Variants in WWOX observed in about 807,000 individuals in gnomAD.
WWOX encodes the protein WW domain-containing oxidoreductase.
WWOX carries 69 observed loss-of-function variants against 46.2 expected under a neutral mutation model. The observed-to-expected ratio is 1.49, with a 90% confidence interval of 1.23 to 1.82. WWOX has a LOEUF of 1.82. Ranked by LOEUF, WWOX falls within the 40% of genes most tolerant of loss-of-function variation. The pLI, the probability that WWOX is intolerant of heterozygous loss-of-function variation, is 0.00. For synonymous variants in WWOX, 359 were observed against 202.6 expected (o/e 1.77, Z -6.56); for missense variants, 919 against 542.6 (o/e 1.69, Z -6.89).
At chr16:78,127,801 T>C (rs1038436688) in intron 4 of WWOX, among the ~76,000 whole-genome samples, 2 of 152,280 alleles carry the variant, frequency 1.3e-5, no homozygotes, top group Middle Eastern at 3.4e-3. Flanking sequence ...TTGAATATAG[T>C]TTTATTGCCA....
At chr16:78,653,300 A>G (rs905770784) in intron 8 of WWOX, among the ~76,000 whole-genome samples, 1 of 152,212 alleles carries the variant, frequency 6.6e-6, no homozygotes, top group African/African-American at 2.4e-5. Context: ...TATAATTTGG[A>G]CACTATTTTA....
chr16:78,745,111 C>T (rs1054455287), intron 8 of WWOX, among the ~76,000 whole-genome samples: 6 of 152,112 alleles, frequency 3.9e-5, no homozygotes, highest in Non-Finnish European at 8.8e-5. Context: ...ACTATAGGAG[C>T]CAAGACTAGT....
chr16:78,525,323 C>T (rs1287454250), intron 8 of WWOX: 1 of 151,764 alleles, frequency 6.6e-6, no homozygotes, highest in Non-Finnish European at 1.5e-5. Context: ...GTAGCTGGGA[C>T]TGCAGGCGCC....
At chr16:78,796,527 G>C (rs543821508) in intron 8 of WWOX, among the ~76,000 whole-genome samples, 8 of 152,380 alleles carry the variant, frequency 5.3e-5, no homozygotes, top group Non-Finnish European at 1.2e-4. Context: ...AATGTTTTCA[G>C]TGAACACATT....
chr16:79,107,132 A>T (rs891304461), intron 8 of WWOX, among the ~76,000 whole-genome samples: 1 of 152,132 alleles, frequency 6.6e-6, no homozygotes, highest in African/African-American at 2.4e-5. Context: ...GTAGAGGCAG[A>T]ATCTTACTAT....
chr16:78,493,275 G>A (rs1757241587), intron 8 of WWOX, among the ~76,000 whole-genome samples: 1 of 152,178 alleles, frequency 6.6e-6, no homozygotes, highest in African/African-American at 2.4e-5. Flanking sequence ...AATGTCCTAT[G>A]TTAAGAATCT....
intron 8 of WWOX, among the ~76,000 whole-genome samples, chr16:79,044,627 C>G (rs1362092841): frequency 1.3e-5 from 2 of 152,202 alleles, no homozygotes; most frequent in Non-Finnish European, 2.9e-5. Context: ...GCCTGTGGAA[C>G]TATGAGCCAA....
intron 8 of WWOX, among the ~76,000 whole-genome samples, chr16:79,161,212 A>G (rs1052936192): frequency 3.3e-5 from 5 of 152,046 alleles, no homozygotes; most frequent in African/African-American, 7.3e-5. Flanking sequence ...ATGACATGAC[A>G]TTTGAGTGCA....
chr16:79,182,827 G>C (rs543553845), intron 8 of WWOX, among the ~76,000 whole-genome samples: 12 of 152,340 alleles, frequency 7.9e-5, no homozygotes, highest in African/African-American at 2.6e-4. Flanking sequence ...GTGTGTTACA[G>C]AAATATATGT....
At chr16:79,002,695 A>C (rs1195150114) in intron 8 of WWOX, among the ~76,000 whole-genome samples, 1 of 152,166 alleles carries the variant, frequency 6.6e-6, no homozygotes, top group African/African-American at 2.4e-5. Context: ...GGACAGAGGG[A>C]CTGTGCCTAT....
chr16:78,167,611 C>G (rs1267303930), intron 5 of WWOX: 1 of 152,140 alleles, frequency 6.6e-6, no homozygotes, highest in Non-Finnish European at 1.5e-5. Context: ...TTCATCATCT[C>G]TCATCTTTTC....
chr16:78,563,296 A>T (rs2044482535), intron 8 of WWOX, among the ~76,000 whole-genome samples: 1 of 152,158 alleles, frequency 6.6e-6, no homozygotes, highest in African/African-American at 2.4e-5. Context: ...CCCTTCTGCA[A>T]CTTTCCTTTT....
chr16:79,087,008 G>A (rs960469960), intron 8 of WWOX, among the ~76,000 whole-genome samples: 2 of 152,210 alleles, frequency 1.3e-5, no homozygotes, highest in Non-Finnish European at 2.9e-5. Flanking sequence ...GCAGCCTAGG[G>A]AATGGAGATA....
At chr16:79,158,773 C>T (rs954016112) in intron 8 of WWOX, among the ~76,000 whole-genome samples, 7 of 152,222 alleles carry the variant, frequency 4.6e-5, no homozygotes, top group African/African-American at 1.7e-4. Context: ...CCACCTCCTC[C>T]AGTTCTCAGC....
At chr16:78,307,675 T>C (rs1185832350) in intron 5 of WWOX, among the ~76,000 whole-genome samples, 1 of 152,198 alleles carries the variant, frequency 6.6e-6, no homozygotes, top group African/African-American at 2.4e-5. Flanking sequence ...AGACCTAAGA[T>C]CATGGTTATT....
At chr16:78,214,028 C>T (rs572031321) in intron 5 of WWOX, among the ~76,000 whole-genome samples, 8 of 152,292 alleles carry the variant, frequency 5.3e-5, no homozygotes, top group African/African-American at 1.9e-4. Flanking sequence ...GTCTGCGCCT[C>T]CCAGCCACTG....
At chr16:79,127,144 T>A (rs1055163839) in intron 8 of WWOX, among the ~76,000 whole-genome samples, 1 of 152,172 alleles carries the variant, frequency 6.6e-6, no homozygotes, top group African/African-American at 2.4e-5. Flanking sequence ...AAGGTGTATA[T>A]GTATATATAT....
intron 8 of WWOX, among the ~76,000 whole-genome samples, chr16:79,079,600 A>T (rs558084248): frequency 6.6e-6 from 1 of 152,264 alleles, no homozygotes; most frequent in Admixed American, 6.5e-5. Context: ...AACTTTCCTT[A>T]AATGTTCGGC....
At position 79,025,884 on chromosome 16, in the gene WWOX, C is replaced by T. The variant is rs150879213; in HGVS notation, c.1057-185724C>T. Among the ~76,000 whole-genome samples, 104 of 148,562 alleles carry T rather than the reference C, an allele frequency of 7.0e-4. 3 individuals carry two copies. The highest frequency in any genetic ancestry group is 6.9e-3 in the Middle Eastern group (2 of 288). ...CACAATCTTGGTTCACTGCAGCCTC[C>T]GCCTCCTGGGTTCAAGTGATTCTCC... On this transcript the variant is annotated intron_variant, in intron 8 of 8. Coordinates refer to ENST00000566780, the MANE Select transcript of WWOX (RefSeq NM_016373.4).
Sources: allele counts gnomAD v4.1 joint callset (sites outside exome capture counted in the v4.1 genomes callset), GRCh38; gene constraint gnomAD v4.1.1; transcripts MANE v1.5; gene names NCBI Gene and HGNC (gene_info 2026-07-23, HGNC 2026-07-21).